INTS10: variants seen among roughly 807,000 people sequenced by gnomAD.
The protein encoded by INTS10 is chromosome 8 open reading frame 35.
A neutral mutation model predicts 94.4 loss-of-function variants in INTS10; 44 were observed. The ratio of observed to expected loss-of-function variants is 0.47; its 90% CI spans 0.37 to 0.60. The LOEUF (loss-of-function observed/expected upper bound fraction) is 0.60. INTS10 is among the 20% of genes least tolerant of loss of function. The pLI, the probability that INTS10 is intolerant of heterozygous loss-of-function variation, is 0.00. For missense variants in INTS10, 797 were observed against 868.7 expected (o/e 0.92, Z 1.04); for synonymous variants, 341 against 320.7 (o/e 1.06, Z -0.68).
intron 11 of INTS10, 148 bp downstream of exon 11, chr8:19,832,258 G>A: frequency 1.7e-6 from 1 of 603,658 alleles, no homozygotes; most frequent in Non-Finnish European, 3.0e-6. Context: ...GGCTGAGGGG[G>A]TATGGTCCAT....
intron 9 of INTS10, among the ~76,000 whole-genome samples, chr8:19,828,837 G>A (rs2067007933): frequency 6.6e-6 from 1 of 152,056 alleles, no homozygotes. Flanking sequence ...GATTACAGGG[G>A]TAAGCCACTA....
intron 2 of INTS10, among the ~76,000 whole-genome samples, chr8:19,819,074 T>C (rs1007223482): frequency 3.9e-5 from 6 of 152,216 alleles, no homozygotes; most frequent in African/African-American, 7.2e-5. Context: ...CAGTCTACAT[T>C]ACCACCAATG....
chr8:19,837,136 A>C lies in INTS10; in HGVS notation c.1615A>C (p.Lys539Gln). ...DGGKSQEEPS[K>Q]VKPKFRKGSD... ...AGGCAAATCCCAGGAGGAACCCTCG[A>C]AAGTAAAGCCCAAATTTAGAAAAGG... Residue 539 changes from lysine to glutamine, a missense_variant, in exon 13 of 17, where the codon AAA (lysine) becomes CAA (glutamine). By Grantham distance (53) the Lys-to-Gln change is moderately conservative. This residue lies in a region of INTS10 where 734 missense variants were observed against 787.8 expected (regional missense o/e 0.93). Coordinates refer to ENST00000397977, the MANE Select transcript of INTS10 (RefSeq NM_018142.4). 6.2e-7 allele frequency: 1 copy of C among 1,610,338 alleles called. No individual in the cohort carries two copies. The highest frequency in any genetic ancestry group is 1.3e-5 in the African/African-American group (1 of 74,970).
intron 16 of INTS10, among the ~76,000 whole-genome samples, chr8:19,847,339 T>C (rs2068662696): frequency 6.6e-6 from 1 of 152,244 alleles, no homozygotes; most frequent in South Asian, 2.1e-4. Flanking sequence ...TTTTCTAAGA[T>C]CGTGAATCGA....
intron 4 of INTS10, chr8:19,821,226 G>A (rs1455460676): frequency 1.3e-5 from 2 of 152,186 alleles, no homozygotes; most frequent in Admixed American, 6.5e-5. Context: ...AACAACAGAA[G>A]GACTCCCACA....
intron 7 of INTS10, 64 bp downstream of exon 7, chr8:19,824,108 C>A: frequency 7.2e-7 from 1 of 1,390,902 alleles, no homozygotes; most frequent in South Asian, 1.4e-5. Flanking sequence ...AAAACAAAAT[C>A]ATGCTTTTTA....
chr8:19,844,055 G>C lies in INTS10; in HGVS notation c.1720-21G>C, dbSNP rs185647710. 4.5e-6 allele frequency: 7 copies of C among 1,568,720 alleles called. No homozygotes were observed. In the South Asian group the frequency reaches 7.0e-5, roughly 16 times the overall value. ...TGTGACTTCCTTTTCCTTCTGTCTTGTATAAATCTTTGTCTTGCAGCTTAG... is the reference window on the plus strand; with the variant it reads ...TGTGACTTCCTTTTCCTTCTGTCTTCTATAAATCTTTGTCTTGCAGCTTAG... On this transcript the variant is annotated intron_variant, in intron 14 of 16. Coordinates refer to ENST00000397977, the MANE Select transcript of INTS10 (RefSeq NM_018142.4).
intron 8 of INTS10, 63 bp from the exon 9 acceptor site, chr8:19,826,363 T>C (rs749856280): frequency 6.0e-5 from 92 of 1,521,974 alleles, no homozygotes; most frequent in Non-Finnish European, 7.9e-5. Context: ...ATTGCAGGCA[T>C]GAGCCACCGC....
chr8:19,822,257 C>G, intron 4 of INTS10, 182 bp from the exon 5 acceptor site: 1 of 438,168 alleles, frequency 2.3e-6, no homozygotes, highest in Non-Finnish European at 4.1e-6. Flanking sequence ...GTGAATTTGG[C>G]CTTCTAGGGT....
At chr8:19,819,726 A>AT in intron 3 of INTS10, 50 bp downstream of exon 3, 2 of 1,378,048 alleles carry the variant, frequency 1.5e-6, no homozygotes, top group Non-Finnish European at 2.1e-6. Context: ...CAAATCATAT[A>AT]TAGTAATTTC....
At chr8:19,832,176 T>A (rs1181667088) in intron 11 of INTS10, 66 bp downstream of exon 11, 1 of 872,330 alleles carries the variant, frequency 1.1e-6, no homozygotes, top group African/African-American at 1.6e-5. Context: ...CAAACCAGCT[T>A]TCCTATGCAG....
At chr8:19,821,056 GAGGTGTC>G (rs1396498970) in intron 4 of INTS10, 1 of 152,262 alleles carries the variant, frequency 6.6e-6, no homozygotes, top group African/African-American at 2.4e-5. Context: ...CATAGCCAGT[GAGGTGTC>G]AGGTTTCAAA....
rs2066079470 is a variant in INTS10, at chr8:19,818,105, TCA to T, written c.130-166_130-165del. ...CTGAGATTGCAGGTGAACCCCAGGG[TCA>T]CACTCTAAGCCCAATGGCAAGTCTG... On this transcript the variant is annotated intron_variant, in intron 1 of 16. Coordinates refer to ENST00000397977, the MANE Select transcript of INTS10 (RefSeq NM_018142.4). 6.0e-6 allele frequency: 4 copies of T among 670,280 alleles called. No homozygotes were observed. In the South Asian group the frequency reaches 6.9e-5, roughly 12 times the overall value. 41.5% of individuals were successfully genotyped at this position (670,280 alleles called of 1,614,324 possible).
chr8:19,844,380 G>T, intron 15 of INTS10, 142 bp downstream of exon 15: 2 of 653,172 alleles, frequency 3.1e-6, no homozygotes, highest in Non-Finnish European at 5.1e-6. Context: ...GATTAAAACT[G>T]GGGCTGTGGC....
chr8:19,822,785 A>G (rs986478006), intron 5 of INTS10, among the ~76,000 whole-genome samples: 1 of 152,014 alleles, frequency 6.6e-6, no homozygotes, highest in Non-Finnish European at 1.5e-5. Context: ...ACCTGTCTCT[A>G]CTAAAAATAC....
chr8:19,819,536 T>A (rs1393783464), intron 2 of INTS10, 37 bp from the exon 3 acceptor site: 1 of 1,508,630 alleles, frequency 6.6e-7, no homozygotes, highest in Admixed American at 1.8e-5. Context: ...TGTATAGACT[T>A]TGACATTTTA....
chr8:19,833,743 C>T (rs1189888969), intron 12 of INTS10, among the ~76,000 whole-genome samples: 3 of 152,104 alleles, frequency 2.0e-5, no homozygotes, highest in Non-Finnish European at 4.4e-5. Context: ...TGTGGTGGCT[C>T]ACACCTATAA....
intron 2 of INTS10, among the ~76,000 whole-genome samples, chr8:19,819,234 T>G (rs868596254): frequency 6.6e-6 from 1 of 152,364 alleles, no homozygotes; most frequent in Middle Eastern, 3.4e-3. Flanking sequence ...GATTCAGTAT[T>G]GTTTCAACTG....
chr8:19,835,820 GGGCCACCCAAGGT>G (rs2067611387), intron 12 of INTS10, among the ~76,000 whole-genome samples: 1 of 152,176 alleles, frequency 6.6e-6, no homozygotes, highest in Admixed American at 6.5e-5. Context: ...AGGGCTGCTG[GGGCCACCCAAGGT>G]CAATTGCTGC....
Sources: gnomAD v4.1 joint callset for allele counts (sites outside exome capture counted in the v4.1 genomes callset) on GRCh38, gnomAD v4.1.1 for gene constraint, gnomAD v4.1.1 regional missense constraint, MANE v1.5 for transcripts, NCBI Gene and HGNC (gene_info 2026-07-23, HGNC 2026-07-21) for gene names.